Variants in GATA2 observed in about 807,000 individuals in gnomAD.
GATA2 encodes GATA binding protein 2.
In GATA2, 6 loss-of-function variants were observed where a neutral mutation model predicts 35.7. The ratio of observed to expected loss-of-function variants is 0.17; its 90% CI spans 0.09 to 0.33. GATA2 has a LOEUF of 0.33. GATA2 is among the 10% of genes least tolerant of loss of function. The pLI is 1.00. For missense variants in GATA2, 541 were observed against 656.6 expected, an observed-to-expected ratio of 0.82 and a Z score of 1.92; for synonymous variants, 313 against 274.9, an observed-to-expected ratio of 1.14 and a Z score of -1.37.
At chr3:128,485,300 C>T (rs867426885) in intron 3 of GATA2, among the ~76,000 whole-genome samples, 8 of 152,204 alleles carry the variant, frequency 5.3e-5, no homozygotes, top group South Asian at 2.1e-4. Flanking sequence ...GTGCCTGAAA[C>T]ATGCACACAC....
At chr3:128,487,728 G>C (rs1393386884) in intron 1 of GATA2, 1 of 152,552 alleles carries the variant, frequency 6.6e-6, no homozygotes, top group African/African-American at 2.4e-5. Context: ...GCCGTGGGGA[G>C]GGGAGGGACT....
At position 128,486,116 on chromosome 3, in the gene GATA2, G is replaced by A. The variant is rs1350131138; in HGVS notation, c.482C>T (p.Pro161Leu). ...GSGSSVASLT[P>L]TAAHSGSHLF... ...GTGGGAGCCAGAGTGGGCTGCTGTA[G>A]GGGTGAGGGAGGCCACTGAGCTCCC... The change falls in exon 3 of 6, where the codon CCT becomes CTT. Residue 161 changes from proline (P) to leucine (L), a missense_variant. Pro to Leu is a moderately conservative substitution (Grantham distance 98, BLOSUM62 -3). Coordinates refer to ENST00000341105, the MANE Select transcript of GATA2 (RefSeq NM_032638.5). The A allele has an allele frequency of 6.2e-7, 1 of 1,612,074 alleles. No homozygotes were observed. Among genetic ancestry groups the A allele is most frequent in the African/African-American group, 1.3e-5 (1 of 74,894 alleles).
intron 4 of GATA2, among the ~76,000 whole-genome samples, chr3:128,482,644 C>A (rs1170976276): frequency 6.6e-6 from 1 of 152,140 alleles, no homozygotes; most frequent in Non-Finnish European, 1.5e-5. Flanking sequence ...CTGATCCCCC[C>A]CATCCAGCCC....
At position 128,479,778 on chromosome 3, in the gene GATA2, G is replaced by C; in HGVS notation, c.*1241C>G. The stretch of plus-strand genomic sequence containing the variant: ...CACCGCATACAGAATCTAAGCTCGG[G>C]ACACGTTTATATACAGCTGTACCTT... On this transcript the variant is annotated 3_prime_UTR_variant, in exon 6 of 6. Transcript: ENST00000341105. 4.3e-6 allele frequency: 1 copy of C among 233,624 alleles called. No homozygotes were observed. Among genetic ancestry groups the C allele is most frequent in the African/African-American group, 2.2e-5 (1 of 45,460 alleles). The allele number at this position is 233,624 out of a possible 1,614,324, so 14.5% of individuals were successfully genotyped here.
chr3:128,488,098 G>T lies in GATA2; in HGVS notation c.-45-1022C>A, dbSNP rs942069158. On this transcript the variant is annotated intron_variant, in intron 1 of 5. Transcript: ENST00000341105. The surrounding 1 kb of genome is among the most constrained non-coding windows in gnomAD (Gnocchi z 5.8). ...CAGCCGGCGGGCCCCCTCCCTGCGC[G>T]CTCCTGGCGGCCCCTGCTGCCAACG... Among the ~76,000 whole-genome samples the T allele has an allele frequency of 3.3e-5, 5 of 152,036 alleles. No homozygotes were observed. Among genetic ancestry groups the T allele is most frequent in the Admixed American group, 2.0e-4 (3 of 15,280 alleles).
Position 128,480,952 on chromosome 3 carries a change from T to C in GATA2, c.*67A>G. ...AGGAGTGGTGTCGGCCTTCGGGAAA[T>C]GCTGGGCTGCTAAGGGTTTGGTCCA... is the stretch of plus-strand genomic sequence containing the variant. On this transcript the variant is annotated 3_prime_UTR_variant, in exon 6 of 6. Coordinates refer to ENST00000341105, the MANE Select transcript of GATA2 (RefSeq NM_032638.5). The C allele has an allele frequency of 1.4e-6, 2 of 1,455,410 alleles. No homozygotes were observed. The highest frequency in any genetic ancestry group is 1.4e-5 in the South Asian group (1 of 69,254). The allele number at this position is 1,455,410 out of a possible 1,614,324, so 90.2% of individuals were successfully genotyped here. A position where few individuals can be genotyped will look rare whatever the true frequency, so the allele number is the denominator to read the frequency against.
intron 3 of GATA2, among the ~76,000 whole-genome samples, 184 bp from the exon 4 acceptor site, chr3:128,484,189 C>T (rs1308978286): frequency 6.6e-6 from 1 of 152,214 alleles, no homozygotes; most frequent in African/African-American, 2.4e-5. Flanking sequence ...TGGGAGGGGG[C>T]ACAGGTCCAG....
chr3:128,480,204 G>A lies in GATA2; in HGVS notation c.*815C>T, dbSNP rs2068606543. 1 of 233,318 alleles carries A rather than the reference G, an allele frequency of 4.3e-6. No individual in the cohort carries two copies. Among genetic ancestry groups the A allele is most frequent in the Non-Finnish European group, 8.5e-6 (1 of 118,062 alleles). 14.5% of individuals were successfully genotyped at this position (233,318 alleles called of 1,614,324 possible). On this transcript the variant is annotated 3_prime_UTR_variant, in exon 6 of 6. Transcript: ENST00000341105. ...TTGTCTCAGAGTAGGAGGCGAGGGG[G>A]TTGAAGGGTTAGCAGAAAAAGGATG... is the stretch of plus-strand genomic sequence containing the variant.
Position 128,481,262 on chromosome 3 carries a change from C to T in GATA2, c.1200G>A (p.Met400Ile), listed in dbSNP as rs1060500086. Reference sequence around the variant, plus strand: ...TCTTGCTCTTCTTGGACTTGTTGGACATCTTCCGGTTCCGAGTCTGGATCC... The same window carrying T: ...TCTTGCTCTTCTTGGACTTGTTGGATATCTTCCGGTTCCGAGTCTGGATCC... Reference protein sequence around the residue: ...KEGIQTRNRKMSNKSKKSKKG... With the variant: ...KEGIQTRNRKISNKSKKSKKG... The change falls in exon 6 of 6, where the codon ATG becomes ATA. Residue 400 changes from methionine to isoleucine, a missense_variant. Met to Ile is a conservative substitution (Grantham distance 10). Transcript: ENST00000341105. 6.2e-7 allele frequency: 1 copy of T among 1,614,224 alleles called. No homozygotes were observed. The highest frequency in any genetic ancestry group is 8.5e-7 in the Non-Finnish European group (1 of 1,180,044).
chr3:128,486,710 C>T (rs562911955), intron 2 of GATA2, 93 bp downstream of exon 2: 2 of 1,246,720 alleles, frequency 1.6e-6, no homozygotes, highest in Admixed American at 2.1e-5. Flanking sequence ...TCCTGCGGAT[C>T]CTACATCCGG....
At chr3:128,486,764 C>G in intron 2 of GATA2, 39 bp downstream of exon 2, 1 of 1,544,700 alleles carries the variant, frequency 6.5e-7, no homozygotes, top group Non-Finnish European at 8.8e-7. Context: ...GCCTGGCGCG[C>G]GGCGCCTGGG....
chr3:128,482,004 C>T (rs1018271254), intron 4 of GATA2, 60 bp from the exon 5 acceptor site: 2 of 1,597,452 alleles, frequency 1.3e-6, no homozygotes, highest in African/African-American at 2.7e-5. Flanking sequence ...ACCCCCCTCC[C>T]TGACCCTCGC....
In GATA2 at chr3:128,486,388, G is replaced by A; in HGVS notation, c.230-20C>T. On this transcript the variant is annotated intron_variant, in intron 2 of 5. Coordinates refer to ENST00000341105, the MANE Select transcript of GATA2 (RefSeq NM_032638.5). ...GGCGGGCTGCGGGCAAAGAGAGAGA[G>A]GATCAGGGTGGGCAGAAAGATCAGG... 8.2e-6 allele frequency: 13 copies of A among 1,591,842 alleles called. No homozygotes were observed. The highest frequency in any genetic ancestry group is 1.1e-5 in the Non-Finnish European group (13 of 1,176,380).
In GATA2 at chr3:128,481,092, G is replaced by A. The variant is rs139415862; in HGVS notation, c.1370C>T (p.Thr457Met). The A allele has an allele frequency of 1.8e-5, 29 of 1,611,188 alleles. No individual in the cohort carries two copies. The highest frequency in any genetic ancestry group is 7.7e-5 in the South Asian group (7 of 90,860). The change falls in exon 6 of 6, where the codon ACG (threonine) becomes ATG (methionine). Residue 457 changes from threonine to methionine, a missense_variant. Physicochemically the swap from Thr to Met is moderately conservative, Grantham distance 81. Transcript: ENST00000341105. ...SHSGHILPTP[T>M]PIHPSSSLSF... ...GAGGCTGGAGGAGGGGTGGATGGGC[G>A]TCGGAGTGGGCAGGATGTGTCCGGA...
Position 128,485,813 on chromosome 3 carries a change from C to A in GATA2, c.785G>T (p.Ser262Ile), listed in dbSNP as rs1305082777. Reference sequence around the variant, plus strand: ...GAAGCCTCCGGGGTGGAAGAGTCCGCTGCTGTAGTCGTGGGCAGCCGCCGG... The same window carrying A: ...GAAGCCTCCGGGGTGGAAGAGTCCGATGCTGTAGTCGTGGGCAGCCGCCGG... ...YVPAAAHDYS[S>I]GLFHPGGFLG... is the part of the protein sequence containing the mutation. Residue 262 changes from serine to isoleucine, a missense_variant, in exon 3 of 6, where the codon AGC becomes ATC. Ser to Ile is a moderately radical substitution (Grantham distance 142). This residue lies in a region of GATA2 where 389 missense variants were observed against 396.9 expected (regional missense o/e 0.98). Transcript: ENST00000341105. 7 of 1,613,982 alleles carry A rather than the reference C, an allele frequency of 4.3e-6. 1 individual carries two copies. In the South Asian group the frequency reaches 6.6e-5, roughly 15 times the overall value.
chr3:128,492,963 C>A lies in GATA2; in HGVS notation c.-110G>T, dbSNP rs2068796126. The A allele has an allele frequency of 1.3e-5, 2 of 153,020 alleles. No individual in the cohort carries two copies. The highest frequency in any genetic ancestry group is 2.4e-5 in the African/African-American group (1 of 41,426). 9.5% of individuals were successfully genotyped at this position (153,020 alleles called of 1,614,324 possible). On this transcript the variant is annotated 5_prime_UTR_variant, in exon 1 of 6. Coordinates refer to ENST00000341105, the MANE Select transcript of GATA2 (RefSeq NM_032638.5). ...GCCTGGAGTAGAGCTGGGAGCAGGG[C>A]GAGGTGCGCGGCAGGCGGGCTCGCG...
chr3:128,486,498 G>A lies in GATA2; in HGVS notation c.230-130C>T, dbSNP rs545890217. Reference sequence around the variant, plus strand: ...GTCATCCCCTCCCCAAAGAAAGCCAGAAACATAATACCCCACCGGTAATAA... The same window carrying A: ...GTCATCCCCTCCCCAAAGAAAGCCAAAAACATAATACCCCACCGGTAATAA... On this transcript the variant is annotated intron_variant, in intron 2 of 5. Transcript: ENST00000341105. 2.0e-5 allele frequency: 23 copies of A among 1,141,574 alleles called. No individual in the cohort carries two copies. The African/African-American group carries it at 2.8e-4, about 14-fold the overall frequency. The allele number at this position is 1,141,574 out of a possible 1,614,324, so 70.7% of individuals were successfully genotyped here.
chr3:128,482,938 G>A (rs2068649269), intron 4 of GATA2, among the ~76,000 whole-genome samples: 1 of 152,220 alleles, frequency 6.6e-6, no homozygotes, highest in South Asian at 2.1e-4. Context: ...GCAGAGCCTG[G>A]AACAGCCCCA....
rs570968383 is a variant in GATA2, at chr3:128,479,751, G to A, written c.*1268C>T. ...CCCTCACAGGCCACCACACCCCGCC[G>A]TCACCGCATACAGAATCTAAGCTCG... On this transcript the variant is annotated 3_prime_UTR_variant, in exon 6 of 6. Transcript: ENST00000341105. 1.7e-5 allele frequency: 4 copies of A among 233,666 alleles called. No individual in the cohort carries two copies. The highest frequency in any genetic ancestry group is 2.5e-5 in the Non-Finnish European group (3 of 118,056). 14.5% of individuals were successfully genotyped at this position (233,666 alleles called of 1,614,324 possible).
Sources: gnomAD v4.1 joint callset for allele counts (sites outside exome capture counted in the v4.1 genomes callset) on GRCh38, gnomAD v4.1.1 for gene constraint, gnomAD v4.1.1 regional missense constraint, Gnocchi (gnomAD v3.1) non-coding constraint, MANE v1.5 for transcripts, NCBI Gene and HGNC (gene_info 2026-07-23, HGNC 2026-07-21) for gene names.